TUBGCP3: variants seen among roughly 807,000 people sequenced by gnomAD.
The protein encoded by TUBGCP3 is gamma-tubulin complex component 3.
In TUBGCP3, 50 loss-of-function variants were observed where a neutral mutation model predicts 123.1. That is an observed-to-expected ratio of 0.41 (90% CI 0.32 to 0.51). TUBGCP3 has a LOEUF of 0.51. Ranked by LOEUF, TUBGCP3 falls within the 20% of genes least tolerant of loss-of-function variation. The probability of loss-of-function intolerance (pLI) is 0.36; values close to 1 mark genes in which losing one functional copy is unlikely to be tolerated. For synonymous variants in TUBGCP3, 405 were observed against 413.9 expected (o/e 0.98, Z 0.26); for missense variants, 882 against 1,127.0 (o/e 0.78, Z 3.11).
chr13:112,498,981 A>T (rs765745254), intron 20 of TUBGCP3, 64 bp downstream of exon 20: 12 of 1,614,078 alleles, frequency 7.4e-6, no homozygotes, highest in Non-Finnish European at 1.0e-5. Flanking sequence ...GGCATTTGAG[A>T]TTATCGTGTG....
chr13:112,559,470 G>A, intron 3 of TUBGCP3, 71 bp from the exon 4 acceptor site: 1 of 1,225,918 alleles, frequency 8.2e-7, no homozygotes, highest in Non-Finnish European at 1.1e-6. Flanking sequence ...CCTCTTTCCT[G>A]AACTATATTT....
the TUBGCP3 span, among the ~76,000 whole-genome samples, chr13:112,595,715 T>C: frequency 1.1e-4 from 16 of 145,216 alleles, no homozygotes; most frequent in Admixed American, 8.1e-4. Context: ...GATTGAAGGA[T>C]AGACAGCATA....
At position 112,519,805 on chromosome 13, in the gene TUBGCP3, T is replaced by G. The variant is rs900131642; in HGVS notation, c.1881+81A>C. ...ACGGCTAGCTGTGCCTGAAACAACA[T>G]GGAAAACACTCGCTAGAACACCCCG... is the stretch of plus-strand genomic sequence containing the variant. On this transcript the variant is annotated intron_variant, in intron 15 of 21. Transcript: ENST00000261965. The surrounding 1 kb of genome is among the most constrained non-coding windows in gnomAD (Gnocchi z 6.2). The G allele has an allele frequency of 1.3e-6, 2 of 1,495,848 alleles. No homozygotes were observed. Among genetic ancestry groups the G allele is most frequent in the Non-Finnish European group, 8.9e-7 (1 of 1,122,048 alleles). The allele number at this position is 1,495,848 out of a possible 1,614,324, so 92.7% of individuals were successfully genotyped here.
chr13:112,537,381 G>A (rs1479821213), intron 11 of TUBGCP3, among the ~76,000 whole-genome samples: 4 of 152,010 alleles, frequency 2.6e-5, no homozygotes, highest in Non-Finnish European at 5.9e-5. Context: ...CTCATCAAAT[G>A]CTTTTTCAGC....
chr13:112,514,109 A>G (rs1594128456), intron 17 of TUBGCP3, among the ~76,000 whole-genome samples: 3 of 152,222 alleles, frequency 2.0e-5, no homozygotes, highest in African/African-American at 7.2e-5. Flanking sequence ...TGAGAGAGAC[A>G]TAACACCCAC....
chr13:112,487,065 G>GTT (rs772127153), intron 21 of TUBGCP3, among the ~76,000 whole-genome samples: 1 of 146,102 alleles, frequency 6.8e-6, no homozygotes, highest in Non-Finnish European at 1.5e-5. Flanking sequence ...GTGTGTGTGT[G>GTT]TGTGTGTGTG....
intron 6 of TUBGCP3, 73 bp from the exon 7 acceptor site, chr13:112,555,078 T>A: frequency 1.1e-6 from 1 of 929,758 alleles, no homozygotes; most frequent in South Asian, 1.6e-5. Flanking sequence ...ATGGTGCAAT[T>A]AGCTTCAGAT....
At position 112,542,885 on chromosome 13, in the gene TUBGCP3, C is replaced by T. The variant is rs149186711; in HGVS notation, c.1335+2814G>A. ...GTGTAGGGCCAGGCACGGTGGCTCA[C>T]GCCTGTAATCCCAGCACTTTGAGAG... On this transcript the variant is annotated intron_variant, in intron 11 of 21. Coordinates refer to ENST00000261965, the MANE Select transcript of TUBGCP3 (RefSeq NM_006322.6). Among the ~76,000 whole-genome samples, 1,257 of 152,190 alleles carry T rather than the reference C, an allele frequency of 8.3e-3. 20 individuals are homozygous for T. The highest frequency in any genetic ancestry group is 0.029 in the African/African-American group (1,203 of 41,538).
intron 20 of TUBGCP3, among the ~76,000 whole-genome samples, chr13:112,494,085 G>T (rs1373384214): frequency 1.3e-5 from 2 of 151,670 alleles, no homozygotes; most frequent in Non-Finnish European, 2.9e-5. Context: ...ATGGGAACGG[G>T]GCCTGGTGTG....
chr13:112,591,233 C>G (rs17121303), upstream of TUBGCP3, among the ~76,000 whole-genome samples: 25,572 of 152,126 alleles, frequency 0.17, 3,361 homozygotes, highest in African/African-American at 0.36. Flanking sequence ...GCCACCCATG[C>G]AAGGAAAGCT....
chr13:112,584,512 T>C (rs568073255), intron 1 of TUBGCP3, among the ~76,000 whole-genome samples: 2 of 152,340 alleles, frequency 1.3e-5, no homozygotes, highest in East Asian at 3.9e-4. Flanking sequence ...AAAAGCTCTT[T>C]ACCATTTTGG....
chr13:112,604,755 CCACCGCGTGTGTGCATA>C, the TUBGCP3 span: 1 of 152,220 alleles, frequency 6.6e-6, no homozygotes, highest in Non-Finnish European at 1.5e-5. Flanking sequence ...CAGTCTCTCT[CCACCGCGTGTGTGCATA>C]CACTTGTGAT....
At chr13:112,570,726 T>G (rs1433556876) in intron 1 of TUBGCP3, among the ~76,000 whole-genome samples, 1 of 152,200 alleles carries the variant, frequency 6.6e-6, no homozygotes, top group Non-Finnish European at 1.5e-5. Context: ...CTTTCATGCT[T>G]CTTCTCTATA....
chr13:112,526,893 TCAA>T (rs1272294715), intron 13 of TUBGCP3, 46 bp downstream of exon 13: 7 of 1,340,574 alleles, frequency 5.2e-6, no homozygotes, highest in Admixed American at 1.7e-5. Context: ...CACATCATCA[TCAA>T]CATCACACCA....
intron 17 of TUBGCP3, among the ~76,000 whole-genome samples, chr13:112,510,072 T>C (rs1475175657): frequency 6.6e-6 from 1 of 152,116 alleles, no homozygotes; most frequent in Non-Finnish European, 1.5e-5. Context: ...AGGATGCACA[T>C]CTCCTGCAGG....
chr13:112,504,134 C>G lies in TUBGCP3; in HGVS notation c.2205G>C (p.Trp735Cys). 1 of 1,614,118 alleles carries G rather than the reference C, an allele frequency of 6.2e-7. No homozygotes were observed. The highest frequency in any genetic ancestry group is 8.5e-7 in the Non-Finnish European group (1 of 1,180,020). The part of the protein sequence containing the change: ...EVLECSWDEL[W>C]NKVQQAQDLD... ...AATCCTGGGCCTGCTGGACTTTGTTCCAAAGCTCATCCCAAGAACATTCAA... is the reference window on the plus strand; with the variant it reads ...AATCCTGGGCCTGCTGGACTTTGTTGCAAAGCTCATCCCAAGAACATTCAA... Residue 735 changes from tryptophan (W) to cysteine (C), a missense_variant, in exon 19 of 22, where the codon TGG becomes TGC. By Grantham distance (215) the Trp-to-Cys change is radical. This residue lies in a region of TUBGCP3 where 160 missense variants were observed against 220.3 expected (regional missense o/e 0.73). Coordinates refer to ENST00000261965, the MANE Select transcript of TUBGCP3 (RefSeq NM_006322.6).
chr13:112,489,352 C>G (rs371974958), intron 21 of TUBGCP3, among the ~76,000 whole-genome samples: 149 of 152,390 alleles, frequency 9.8e-4, no homozygotes, highest in African/African-American at 3.3e-3. Context: ...ACCACAGGGG[C>G]CACCCTTTGG....
At chr13:112,487,916 G>A (rs1240552412) in intron 21 of TUBGCP3, among the ~76,000 whole-genome samples, 1 of 152,100 alleles carries the variant, frequency 6.6e-6, no homozygotes, top group African/African-American at 2.4e-5. Flanking sequence ...TGGATCACTT[G>A]AGGTCAGGAG....
At chr13:112,532,978 C>G (rs1269946223) in intron 11 of TUBGCP3, among the ~76,000 whole-genome samples, 2 of 152,228 alleles carry the variant, frequency 1.3e-5, no homozygotes, top group African/African-American at 4.8e-5. Flanking sequence ...GCCCAGATGT[C>G]ATCTGGAAGT....
Sources: allele counts gnomAD v4.1 joint callset (sites outside exome capture counted in the v4.1 genomes callset), GRCh38; gene constraint gnomAD v4.1.1; regional missense constraint gnomAD v4.1.1; non-coding constraint Gnocchi (gnomAD v3.1); transcripts MANE v1.5; gene names NCBI Gene and HGNC (gene_info 2026-07-23, HGNC 2026-07-21).